Variants in MAOB observed in about 807,000 individuals in gnomAD.
MAOB encodes amine oxidase [flavin-containing] B.
In MAOB, 15 loss-of-function variants were observed where a neutral mutation model predicts 41.9. The ratio of observed to expected loss-of-function variants is 0.36; its 90% CI spans 0.24 to 0.55. MAOB has a LOEUF of 0.55. Among genes scored for constraint, MAOB ranks in the 20% least tolerant of loss-of-function variants. The pLI is 0.86. For missense variants in MAOB, 345 were observed against 398.7 expected, an observed-to-expected ratio of 0.87 and a Z score of 1.15; for synonymous variants, 167 against 144.2, an observed-to-expected ratio of 1.16 and a Z score of -1.13.
chrX:43,809,304 C>T (rs968925509), intron 3 of MAOB, among the ~76,000 whole-genome samples: 1 of 112,270 alleles, frequency 8.9e-6, no homozygotes, highest in African/African-American at 3.2e-5. Context: ...GCCCTCCTAA[C>T]TCAGGAATGC....
chrX:43,767,447 T>C lies in MAOB; in HGVS notation c.*19A>G. ...CAAATACAGTAAGAAGAGAGTGTGA[T>C]TACAGACACCCTCTCTCTTTAGACT... On this transcript the variant is annotated 3_prime_UTR_variant, in exon 15 of 15. Coordinates refer to ENST00000378069, the MANE Select transcript of MAOB (RefSeq NM_000898.5). 1 of 1,194,215 alleles carries C rather than the reference T, an allele frequency of 8.4e-7. No individual in the cohort carries two copies.
chrX:43,832,881 G>A (rs991117368), intron 3 of MAOB, among the ~76,000 whole-genome samples: 5 of 111,613 alleles, frequency 4.5e-5, no homozygotes, highest in African/African-American at 1.6e-4. Flanking sequence ...AGGTGAGGAG[G>A]ATACAGGGCT....
At chrX:43,829,774 G>A (rs780857935) in intron 3 of MAOB, among the ~76,000 whole-genome samples, 4 of 112,186 alleles carry the variant, frequency 3.6e-5, no homozygotes, top group Non-Finnish European at 7.5e-5. Context: ...GTGAGATTTA[G>A]ACATATGTTT....
At chrX:43,769,129 C>G (rs2034148451) in intron 13 of MAOB, among the ~76,000 whole-genome samples, 178 bp downstream of exon 13, 1 of 111,588 alleles carries the variant, frequency 9.0e-6, no homozygotes, top group Admixed American at 9.5e-5. Flanking sequence ...TAGGTATTTT[C>G]ATTATTACTT....
At chrX:43,873,608 T>C (rs903475215) in intron 1 of MAOB, among the ~76,000 whole-genome samples, 1 of 111,795 alleles carries the variant, frequency 8.9e-6, no homozygotes, top group East Asian at 2.8e-4. Flanking sequence ...CAGACCTACC[T>C]GAAGATGTTT....
intron 3 of MAOB, among the ~76,000 whole-genome samples, chrX:43,827,239 C>G (rs1172597300): frequency 1.8e-5 from 2 of 111,956 alleles, no homozygotes; most frequent in African/African-American, 6.5e-5. Context: ...CTATTATTTT[C>G]TCTCACAGTT....
chrX:43,832,224 G>T (rs1276073877), intron 3 of MAOB, among the ~76,000 whole-genome samples: 1 of 111,981 alleles, frequency 8.9e-6, no homozygotes, highest in African/African-American at 3.2e-5. Flanking sequence ...TAAAACTGTC[G>T]CCAGCTTTAC....
At chrX:43,876,673 ATATT>A (rs1173502041) in intron 1 of MAOB, among the ~76,000 whole-genome samples, 1 of 112,457 alleles carries the variant, frequency 8.9e-6, no homozygotes, top group Non-Finnish European at 1.9e-5. Flanking sequence ...AGTTTCTGAC[ATATT>A]TATCTCTTAA....
At chrX:43,840,564 A>C (rs1203283183) in intron 2 of MAOB, among the ~76,000 whole-genome samples, 1 of 111,329 alleles carries the variant, frequency 9.0e-6, no homozygotes, top group Non-Finnish European at 1.9e-5. Flanking sequence ...AAGGCAGGTG[A>C]TTTCTGCGTT....
chrX:43,797,426 C>T (rs778829966), intron 5 of MAOB, among the ~76,000 whole-genome samples, 160 bp from the exon 6 acceptor site: 15 of 112,238 alleles, frequency 1.3e-4, no homozygotes, highest in Non-Finnish European at 2.4e-4. Context: ...AACGTGACAT[C>T]GGAGGTTTTT....
At chrX:43,778,988 G>C (rs2034296093) in intron 10 of MAOB, among the ~76,000 whole-genome samples, 1 of 111,765 alleles carries the variant, frequency 8.9e-6, no homozygotes, top group Non-Finnish European at 1.9e-5. Context: ...CATGTTGCCT[G>C]AATCATGGTA....
intron 3 of MAOB, among the ~76,000 whole-genome samples, chrX:43,808,563 G>A (rs2034697562): frequency 9.0e-6 from 1 of 111,055 alleles, no homozygotes. Context: ...GACAGCTTTT[G>A]GAACAAGGCA....
intron 3 of MAOB, among the ~76,000 whole-genome samples, chrX:43,824,872 A>T (rs1486551804): frequency 8.8e-6 from 1 of 113,042 alleles, no homozygotes; most frequent in Non-Finnish European, 1.9e-5. Flanking sequence ...GCACACACAC[A>T]TCTATTTGCT....
chrX:43,850,882 G>A (rs1409088244), intron 1 of MAOB, among the ~76,000 whole-genome samples: 1 of 112,080 alleles, frequency 8.9e-6, no homozygotes, highest in Non-Finnish European at 1.9e-5. Context: ...ATACTAGAAT[G>A]AGATTGCCTT....
rs781782256 is a variant in MAOB, at chrX:43,843,606, CA to C, written c.141+63del. The C allele has an allele frequency of 1.1e-5, 12 of 1,092,875 alleles. No homozygotes were observed. In the African/African-American group the frequency reaches 2.0e-4, roughly 19 times the overall value. 90.1% of individuals were successfully genotyped at this position (1,092,875 alleles called of 1,213,427 possible). ...AATTGAAGACTTTTGGGGAAAAAGA[CA>C]AAAATGAAACCCCAAACTCAGCTTC... On this transcript the variant is annotated intron_variant, in intron 2 of 14. Transcript: ENST00000378069.
intron 1 of MAOB, among the ~76,000 whole-genome samples, chrX:43,866,102 T>C (rs1467093635): frequency 9.0e-6 from 1 of 110,717 alleles, no homozygotes; most frequent in Non-Finnish European, 1.9e-5. Context: ...ATAACCATCA[T>C]TTCAGACTTT....
At chrX:43,807,158 T>G (rs1019399130) in intron 3 of MAOB, among the ~76,000 whole-genome samples, 8 of 111,996 alleles carry the variant, frequency 7.1e-5, no homozygotes, top group African/African-American at 2.3e-4. Context: ...AAACCTCCAC[T>G]TATCCCTCCT....
rs138120435 is a variant in MAOB at position 43,837,828 on chromosome X, G to T, written c.279+1040C>A. 2.0e-3 allele frequency: 670 copies of T among 326,995 alleles called. 6 individuals are homozygous for T. The East Asian group carries it at 0.039, about 19-fold the overall frequency. The allele number at this position is 326,995 out of a possible 1,213,427, so 26.9% of individuals were successfully genotyped here. Reference sequence around the variant, plus strand: ...GGAAAGACTGAAATTGAAAACCTCCGCCAGTTCTTCCATGGGACTCCTGGA... The same window carrying T: ...GGAAAGACTGAAATTGAAAACCTCCTCCAGTTCTTCCATGGGACTCCTGGA... On this transcript the variant is annotated intron_variant, in intron 3 of 14. Coordinates refer to ENST00000378069, the MANE Select transcript of MAOB (RefSeq NM_000898.5).
At chrX:43,861,744 G>C (rs1018126234) in intron 1 of MAOB, among the ~76,000 whole-genome samples, 3 of 111,207 alleles carry the variant, frequency 2.7e-5, no homozygotes, top group Admixed American at 1.9e-4. Flanking sequence ...TTAAATTCTA[G>C]GCCTGCACTG....
Sources: allele counts gnomAD v4.1 joint callset (sites outside exome capture counted in the v4.1 genomes callset), GRCh38; gene constraint gnomAD v4.1.1; transcripts MANE v1.5; gene names NCBI Gene and HGNC (gene_info 2026-07-23, HGNC 2026-07-21).